The following RBFOX1 variants were observed in gnomAD, a reference collection of about 807,000 sequenced individuals.
The protein encoded by RBFOX1 is RNA binding fox-1 homolog 1, also known as RNA binding protein fox-1 homolog 1.
Under a neutral mutation model 57.7 loss-of-function variants are expected in RBFOX1, and 8 were observed. The observed-to-expected ratio is 0.14, with a 90% CI of 0.08 to 0.25. The LOEUF (loss-of-function observed/expected upper bound fraction) is 0.25. RBFOX1 is among the 10% of genes least tolerant of loss of function. The pLI is 1.00. For missense variants in RBFOX1, 611 were observed against 548.5 expected, an observed-to-expected ratio of 1.11 and a Z score of -1.14; for synonymous variants, 326 against 222.4, an observed-to-expected ratio of 1.47 and a Z score of -4.15.
At chr16:7,367,188 T>C (rs2097468980) in intron 4 of RBFOX1, among the ~76,000 whole-genome samples, 1 of 152,144 alleles carries the variant, frequency 6.6e-6, no homozygotes. Flanking sequence ...CTCTGGGGAA[T>C]GGCTGAGGCC....
At chr16:5,827,993 C>G (rs1258082102) in intron 3 of RBFOX1, among the ~76,000 whole-genome samples, 1 of 138,972 alleles carries the variant, frequency 7.2e-6, no homozygotes. Flanking sequence ...CTCTATGCAT[C>G]CAATCCATCC....
chr16:5,458,791 C>T (rs1283376624), intron 1 of RBFOX1, among the ~76,000 whole-genome samples: 1 of 152,216 alleles, frequency 6.6e-6, no homozygotes. Context: ...TCCGTCCATC[C>T]ATTCACCCTT....
intron 2 of RBFOX1, among the ~76,000 whole-genome samples, chr16:6,580,585 T>C (rs968980670): frequency 8.5e-6 from 1 of 117,264 alleles, no homozygotes; most frequent in African/African-American, 2.7e-5. Context: ...ACCAGAAATG[T>C]CACAGGGGGG....
intron 3 of RBFOX1, among the ~76,000 whole-genome samples, chr16:6,672,541 GAGAA>G (rs927951989): frequency 5.7e-4 from 86 of 150,278 alleles, no homozygotes; most frequent in African/African-American, 1.9e-3. Flanking sequence ...GAAAGAACAG[GAGAA>G]AGAAAAGAAA....
intron 1 of RBFOX1, among the ~76,000 whole-genome samples, chr16:5,339,978 G>A (rs1263683560): frequency 1.3e-5 from 2 of 152,156 alleles, no homozygotes; most frequent in African/African-American, 4.8e-5. Context: ...ATTCCAAGAT[G>A]TTGAGGAATG....
At chr16:7,479,483 C>T (rs1344164928) in intron 4 of RBFOX1, among the ~76,000 whole-genome samples, 1 of 152,138 alleles carries the variant, frequency 6.6e-6, no homozygotes, top group Non-Finnish European at 1.5e-5. Context: ...CCCTTCCTTG[C>T]TTGCAGGACA....
At chr16:6,245,610 C>G (rs1376350011) in intron 1 of RBFOX1, among the ~76,000 whole-genome samples, 2 of 152,124 alleles carry the variant, frequency 1.3e-5, no homozygotes, top group Non-Finnish European at 2.9e-5. Context: ...ATACAAATAA[C>G]CTTCTGTGTG....
At chr16:5,518,890 G>T (rs2043903094) in intron 2 of RBFOX1, among the ~76,000 whole-genome samples, 1 of 152,184 alleles carries the variant, frequency 6.6e-6, no homozygotes, top group South Asian at 2.1e-4. Flanking sequence ...ACATTCGTAT[G>T]TTGAGGTTCT....
intron 3 of RBFOX1, among the ~76,000 whole-genome samples, chr16:6,971,781 C>T (rs952428224): frequency 1.3e-5 from 2 of 152,032 alleles, no homozygotes; most frequent in African/African-American, 4.8e-5. Context: ...GTCCACAGTC[C>T]TGCTTCTGTT....
At chr16:7,222,624 C>G (rs548538355) in intron 4 of RBFOX1, among the ~76,000 whole-genome samples, 1 of 152,334 alleles carries the variant, frequency 6.6e-6, no homozygotes, top group South Asian at 2.1e-4. Flanking sequence ...CGCTTATGAT[C>G]TGTGTGCATT....
rs150966516 is a variant in RBFOX1, at chr16:6,386,294, C to T, written c.-64+69237C>T. Among the ~76,000 whole-genome samples the T allele has an allele frequency of 3.3e-5, 5 of 152,238 alleles. No individual in the cohort carries two copies. In the East Asian group the frequency reaches 7.7e-4, roughly 24 times the overall value. On this transcript the variant is annotated intron_variant, in intron 2 of 15. Transcript: ENST00000550418. Reference sequence around the variant, plus strand: ...CAAACTTACTGCAGCTTAGTTTGGGCGGGACATTTTGGCTGGGAACACCAA... The same window carrying T: ...CAAACTTACTGCAGCTTAGTTTGGGTGGGACATTTTGGCTGGGAACACCAA...
intron 1 of RBFOX1, among the ~76,000 whole-genome samples, chr16:5,388,190 A>G (rs923373021): frequency 5.3e-5 from 8 of 152,204 alleles, no homozygotes; most frequent in Non-Finnish European, 1.0e-4. Flanking sequence ...TTGTGACAGC[A>G]GTAGCAGGAA....
intron 4 of RBFOX1, among the ~76,000 whole-genome samples, chr16:7,207,113 C>T (rs1489887491): frequency 6.6e-6 from 1 of 152,176 alleles, no homozygotes; most frequent in African/African-American, 2.4e-5. Flanking sequence ...TTCAAATCAC[C>T]CCATCCATCT....
intron 4 of RBFOX1, among the ~76,000 whole-genome samples, chr16:7,103,866 C>G (rs1488248886): frequency 6.6e-6 from 1 of 152,090 alleles, no homozygotes; most frequent in Admixed American, 6.6e-5. Context: ...CCTAGTGATA[C>G]CATTTGCAAA....
intron 5 of RBFOX1, among the ~76,000 whole-genome samples, chr16:7,528,174 A>G (rs1328892766): frequency 2.6e-5 from 4 of 152,144 alleles, no homozygotes; most frequent in Non-Finnish European, 4.4e-5. Context: ...GTTTGATTTA[A>G]TGTTTCCTTA....
intron 3 of RBFOX1, among the ~76,000 whole-genome samples, chr16:6,864,995 C>CTTTTTTTTTTTTTTTTTTTTT (rs34341448): frequency 1.2e-5 from 1 of 82,566 alleles, no homozygotes; most frequent in African/African-American, 5.6e-5. Flanking sequence ...TTTTCTTTTT[C>CTTTTTTTTTTTTTTTTTTTTT]TTTTTTTTTT....
intron 1 of RBFOX1, among the ~76,000 whole-genome samples, chr16:6,183,357 G>A (rs752856048): frequency 1.8e-4 from 27 of 151,864 alleles, no homozygotes; most frequent in Middle Eastern, 3.2e-3. Flanking sequence ...CCATACTCCT[G>A]TAATCCCAGC....
intron 3 of RBFOX1, among the ~76,000 whole-genome samples, chr16:7,010,674 C>A (rs928156211): frequency 6.6e-6 from 1 of 152,094 alleles, no homozygotes; most frequent in African/African-American, 2.4e-5. Flanking sequence ...AGAGATTCTC[C>A]TGCCTCAGCC....
chr16:5,708,392 A>G (rs2051330253), intron 3 of RBFOX1, among the ~76,000 whole-genome samples: 1 of 152,212 alleles, frequency 6.6e-6, no homozygotes, highest in African/African-American at 2.4e-5. Context: ...TGATAGTTCA[A>G]TCAAAAACAT....
Sources: gnomAD v4.1 joint callset for allele counts (sites outside exome capture counted in the v4.1 genomes callset) on GRCh38, gnomAD v4.1.1 for gene constraint, MANE v1.5 for transcripts, NCBI Gene and HGNC (gene_info 2026-07-23, HGNC 2026-07-21) for gene names.